The following ATP2C2 variants were observed in gnomAD, a reference collection of about 807,000 sequenced individuals.
ATP2C2 encodes the protein calcium-transporting ATPase type 2C member 2.
ATP2C2 carries 171 observed loss-of-function variants against 110.8 expected under a neutral mutation model. The ratio of observed to expected loss-of-function variants is 1.54; its 90% CI spans 1.36 to 1.75. The LOEUF is 1.75. Ranked by LOEUF, ATP2C2 falls within the 40% of genes most tolerant of loss-of-function variation. The pLI is 0.00. For synonymous variants in ATP2C2, 804 were observed against 508.4 expected (o/e 1.58, Z -7.82); for missense variants, 1,963 against 1,235.0 (o/e 1.59, Z -8.84).
intron 7 of ATP2C2, among the ~76,000 whole-genome samples, chr16:84,421,269 G>A (rs1300795531): frequency 6.6e-6 from 1 of 152,244 alleles, no homozygotes; most frequent in Admixed American, 6.5e-5. Context: ...TGCGCAGCCG[G>A]AGGCCTCGCC....
rs540890490 is a variant in ATP2C2, at chr16:84,422,078, T to C, written c.625-312T>C. ...CAAGGTAAAGAGTGGGCTGCGTATG[T>C]GGGGACTCACACAGGTGTTTTGAAA... is the stretch of plus-strand genomic sequence containing the variant. On this transcript the variant is annotated intron_variant, in intron 7 of 26. Coordinates refer to ENST00000262429, the MANE Select transcript of ATP2C2 (RefSeq NM_014861.4). 2.9e-4 allele frequency among the ~76,000 whole-genome samples: 44 copies of C among 152,288 alleles called. No individual in the cohort carries two copies. In the South Asian group the frequency reaches 8.9e-3, roughly 31 times the overall value.
In ATP2C2 at chr16:84,454,789, C is replaced by T. The variant is rs370253988; in HGVS notation, c.1981-29C>T. ...GCACTGGGAGGTGGTCGTCAGGCTG[C>T]AGGCCTTCATTGCCTGCTCTTTCCA... On this transcript the variant is annotated intron_variant, in intron 20 of 26. Coordinates refer to ENST00000262429, the MANE Select transcript of ATP2C2 (RefSeq NM_014861.4). The T allele has an allele frequency of 2.6e-5, 40 of 1,554,274 alleles. No homozygotes were observed. The South Asian group carries it at 3.4e-4, about 13-fold the overall frequency.
rs1248364447 is a variant in ATP2C2, at chr16:84,460,776, G to A, written c.2456G>A (p.Gly819Glu). Reference protein sequence around the residue: ...ILMSAAIIISGTLFIFWKEMP... With the variant: ...ILMSAAIIISETLFIFWKEMP... ...ATGTCCGCGGCCATCATCATCAGCG[G>A]GACCCTCTTTATCTTCTGGAAGGAG... Residue 819 changes from glycine (G) to glutamate (E), a missense_variant, in exon 24 of 27, where the codon GGG becomes GAG. Gly to Glu is a moderately conservative substitution (Grantham distance 98, BLOSUM62 -2). Transcript: ENST00000262429. 6.2e-7 allele frequency: 1 copy of A among 1,613,692 alleles called. No individual in the cohort carries two copies. Among genetic ancestry groups the A allele is most frequent in the Admixed American group, 1.7e-5 (1 of 59,996 alleles).
chr16:84,437,314 C>G (rs8049930), intron 11 of ATP2C2, among the ~76,000 whole-genome samples: 71,778 of 151,784 alleles, frequency 0.47, 17,178 homozygotes, highest in East Asian at 0.62. Flanking sequence ...CTACCTCAGC[C>G]TCCTCAGTAG....
chr16:84,454,992 G>C lies in ATP2C2; in HGVS notation c.2147+8G>C. The C allele has an allele frequency of 6.3e-7, 1 of 1,594,522 alleles. No individual in the cohort carries two copies. Among genetic ancestry groups the C allele is most frequent in the South Asian group, 1.1e-5 (1 of 90,524 alleles). ...TGACTTCTCAGCCATCATGTAAGCT[G>C]CCCTTCTGGTTGTTTTTCAGTTGCA... On this transcript the variant is annotated splice_region_variant and intron_variant, in intron 21 of 26. Coordinates refer to ENST00000262429, the MANE Select transcript of ATP2C2 (RefSeq NM_014861.4).
At chr16:84,383,117 T>A (rs1244750066) in intron 1 of ATP2C2, among the ~76,000 whole-genome samples, 1 of 152,168 alleles carries the variant, frequency 6.6e-6, no homozygotes, top group African/African-American at 2.4e-5. Flanking sequence ...ACTGTCCTTG[T>A]CATCTTGGGC....
Position 84,422,514 on chromosome 16 carries a change from C to A in ATP2C2, c.749C>A (p.Thr250Asn). The A allele has an allele frequency of 6.2e-7, 1 of 1,614,108 alleles. No individual in the cohort carries two copies. Among genetic ancestry groups the A allele is most frequent in the East Asian group, 2.2e-5 (1 of 44,882 alleles). Residue 250 changes from threonine (T) to asparagine (N), a missense_variant, in exon 8 of 27, where the codon ACC becomes AAC. Thr to Asn is a moderately conservative substitution (Grantham distance 65). Transcript: ENST00000262429. ...TTLSNIVFMG[T>N]LVQYGRGQGV... is the part of the protein sequence containing the mutation. Reference sequence around the variant, plus strand: ...CTCAGCAACATCGTCTTCATGGGGACCCTGGTGCAGTATGGGAGGGGCCAG... The same window carrying A: ...CTCAGCAACATCGTCTTCATGGGGAACCTGGTGCAGTATGGGAGGGGCCAG...
At chr16:84,441,630 C>A (rs765014231) in intron 14 of ATP2C2, among the ~76,000 whole-genome samples, 4 of 152,116 alleles carry the variant, frequency 2.6e-5, no homozygotes, top group Non-Finnish European at 5.9e-5. Context: ...GATTAAAAAT[C>A]AAAAATATGA....
intron 2 of ATP2C2, among the ~76,000 whole-genome samples, chr16:84,402,560 A>T (rs142302304): frequency 1.0e-3 from 156 of 152,266 alleles, no homozygotes; most frequent in African/African-American, 3.2e-3. Context: ...TGAAATGATC[A>T]TATGGTTTTT....
At chr16:84,449,354 A>T (rs1357050655) in intron 17 of ATP2C2, among the ~76,000 whole-genome samples, 1 of 152,234 alleles carries the variant, frequency 6.6e-6, no homozygotes, top group Non-Finnish European at 1.5e-5. Flanking sequence ...CAGTGAAGCC[A>T]GCGCCGAGCA....
Position 84,453,320 on chromosome 16 carries a change from G to C in ATP2C2, c.1930-1G>C, listed in dbSNP as rs754492893. On this transcript the variant is annotated splice_acceptor_variant, in intron 19 of 26. Coordinates refer to ENST00000262429, the MANE Select transcript of ATP2C2 (RefSeq NM_014861.4). LOFTEE classifies it high-confidence loss of function. ...TTCGTCTTCCCCGTCTCCGTGTCCA[G>C]GTGTCCGTGTTCTTCAGGACCAGCC... The C allele has an allele frequency of 1.2e-6, 2 of 1,614,170 alleles. No homozygotes were observed. Among genetic ancestry groups the C allele is most frequent in the Admixed American group, 1.7e-5 (1 of 60,026 alleles).
chr16:84,402,692 G>C (rs911123200), intron 2 of ATP2C2, among the ~76,000 whole-genome samples: 1 of 152,086 alleles, frequency 6.6e-6, no homozygotes, highest in Non-Finnish European at 1.5e-5. Context: ...CATTCAATTT[G>C]CTTGTATTTT....
intron 11 of ATP2C2, among the ~76,000 whole-genome samples, chr16:84,434,862 G>T (rs992149947): frequency 6.6e-6 from 1 of 152,142 alleles, no homozygotes; most frequent in Non-Finnish European, 1.5e-5. Context: ...TTATTATTAT[G>T]AATTCATCCA....
At chr16:84,379,454 C>T (rs1349965135) in intron 1 of ATP2C2, among the ~76,000 whole-genome samples, 1 of 152,236 alleles carries the variant, frequency 6.6e-6, no homozygotes, top group African/African-American at 2.4e-5. Context: ...GCGTGAGCCA[C>T]TGTGCCTGGC....
chr16:84,416,116 G>C (rs900170239), intron 7 of ATP2C2, among the ~76,000 whole-genome samples: 1 of 152,224 alleles, frequency 6.6e-6, no homozygotes, highest in African/African-American at 2.4e-5. Flanking sequence ...GGAGGTTGCA[G>C]TGAGCCGAGA....
chr16:84,442,139 A>G (rs957894777), intron 14 of ATP2C2, among the ~76,000 whole-genome samples: 4 of 152,068 alleles, frequency 2.6e-5, no homozygotes, highest in Admixed American at 2.6e-4. Context: ...TCACCCCGTT[A>G]AAGTGCACAA....
chr16:84,372,093 G>A (rs1909987475), intron 1 of ATP2C2, among the ~76,000 whole-genome samples: 1 of 152,170 alleles, frequency 6.6e-6, no homozygotes, highest in African/African-American at 2.4e-5. Flanking sequence ...GTTGGGGTTG[G>A]TAGGATGAGG....
In ATP2C2 at chr16:84,437,625, C is replaced by G. The variant is rs552656606; in HGVS notation, c.987-1541C>G. Among the ~76,000 whole-genome samples the G allele has an allele frequency of 2.0e-5, 3 of 152,270 alleles. No individual in the cohort carries two copies. The South Asian group carries it at 6.2e-4, about 32-fold the overall frequency. ...CCGCCTCTCAGGTTCAAGCAATTCT[C>G]CTGCCTCAGCCTCCTGAGTACCTGG... is the stretch of plus-strand genomic sequence containing the variant. On this transcript the variant is annotated intron_variant, in intron 11 of 26. Coordinates refer to ENST00000262429, the MANE Select transcript of ATP2C2 (RefSeq NM_014861.4).
intron 1 of ATP2C2, among the ~76,000 whole-genome samples, chr16:84,379,557 C>T (rs1359536279): frequency 6.6e-6 from 1 of 152,202 alleles, no homozygotes; most frequent in African/African-American, 2.4e-5. Flanking sequence ...TGCAGAATCT[C>T]AGGTTCCACC....
Sources: gnomAD v4.1 joint callset for allele counts (sites outside exome capture counted in the v4.1 genomes callset) on GRCh38, gnomAD v4.1.1 for gene constraint, MANE v1.5 for transcripts, NCBI Gene and HGNC (gene_info 2026-07-23, HGNC 2026-07-21) for gene names.